The following PPARGC1A variants were observed in gnomAD, a reference collection of about 807,000 sequenced individuals.
PPARGC1A encodes peroxisome proliferator-activated receptor gamma coactivator 1-alpha.
PPARGC1A carries 25 observed loss-of-function variants against 88.7 expected under a neutral mutation model. That is an observed-to-expected ratio of 0.28 (90% CI 0.21 to 0.39). The LOEUF (loss-of-function observed/expected upper bound fraction) is 0.39. PPARGC1A is among the 10% of genes least tolerant of loss of function. The pLI, the probability that PPARGC1A is intolerant of heterozygous loss-of-function variation, is 1.00. For missense variants in PPARGC1A, 880 were observed against 968.7 expected, an observed-to-expected ratio of 0.91 and a Z score of 1.22; for synonymous variants, 363 against 355.6, an observed-to-expected ratio of 1.02 and a Z score of -0.24.
the PPARGC1A span, among the ~76,000 whole-genome samples, chr4:24,071,566 C>T: frequency 6.6e-6 from 1 of 151,862 alleles, no homozygotes; most frequent in Non-Finnish European, 1.5e-5. Context: ...TTATACTTTG[C>T]ACTGGTCTTT....
At chr4:24,297,178 T>C in the PPARGC1A span, among the ~76,000 whole-genome samples, 8 of 152,294 alleles carry the variant, frequency 5.3e-5, no homozygotes, top group African/African-American at 1.9e-4. Context: ...ATGAATATCA[T>C]TTAATAAACA....
the PPARGC1A span, among the ~76,000 whole-genome samples, chr4:23,912,295 T>G: frequency 6.6e-6 from 1 of 152,170 alleles, no homozygotes; most frequent in Non-Finnish European, 1.5e-5. Context: ...CACAGCTCTA[T>G]GGCCTAAGGA....
At chr4:23,848,463 AG>A (rs1190727760) in intron 2 of PPARGC1A, among the ~76,000 whole-genome samples, 1 of 152,128 alleles carries the variant, frequency 6.6e-6, no homozygotes. Context: ...CAAACTTTCC[AG>A]GTCTGTTTGT....
At chr4:24,303,288 T>A in the PPARGC1A span, among the ~76,000 whole-genome samples, 9 of 152,248 alleles carry the variant, frequency 5.9e-5, no homozygotes, top group Admixed American at 5.2e-4. Flanking sequence ...AATGGAGAGA[T>A]TATCAACATA....
the PPARGC1A span, among the ~76,000 whole-genome samples, chr4:24,078,051 T>G: frequency 1.3e-5 from 2 of 152,088 alleles, no homozygotes; most frequent in African/African-American, 4.8e-5. Flanking sequence ...CCTCTAGAAA[T>G]AAATATTTTA....
chr4:23,910,405 TTAACCC>T, the PPARGC1A span, among the ~76,000 whole-genome samples: 8 of 111,274 alleles, frequency 7.2e-5, no homozygotes, highest in Non-Finnish European at 1.4e-4. Context: ...TATATATATA[TTAACCC>T]TATATATATT....
At chr4:24,039,177 A>T in the PPARGC1A span, among the ~76,000 whole-genome samples, 1 of 152,154 alleles carries the variant, frequency 6.6e-6, no homozygotes, top group Non-Finnish European at 1.5e-5. Flanking sequence ...TCGCTTTCCA[A>T]TTGGAAGCAT....
At chr4:24,008,929 C>A in the PPARGC1A span, among the ~76,000 whole-genome samples, 2 of 151,920 alleles carry the variant, frequency 1.3e-5, no homozygotes, top group South Asian at 2.1e-4. Flanking sequence ...TATGTGGGTT[C>A]TTTTCCCGCG....
chr4:24,322,528 T>C, the PPARGC1A span, among the ~76,000 whole-genome samples: 318 of 152,376 alleles, frequency 2.1e-3, 1 homozygote, highest in Admixed American at 3.8e-3. Context: ...TGTATCTGTG[T>C]ATCCATGTGT....
At chr4:24,204,126 C>G in the PPARGC1A span, among the ~76,000 whole-genome samples, 1 of 150,064 alleles carries the variant, frequency 6.7e-6, no homozygotes, top group Admixed American at 6.6e-5. Context: ...AGCTGACCAA[C>G]AAGTACTTAA....
intron 2 of PPARGC1A, among the ~76,000 whole-genome samples, chr4:23,855,336 C>T (rs941111846): frequency 6.6e-6 from 1 of 152,190 alleles, no homozygotes; most frequent in Admixed American, 6.5e-5. Context: ...GCTTTTACCA[C>T]TCAAGACTTT....
At chr4:24,260,995 A>G in the PPARGC1A span, among the ~76,000 whole-genome samples, 1 of 152,104 alleles carries the variant, frequency 6.6e-6, no homozygotes, top group Admixed American at 6.5e-5. Context: ...GGGTTCATAC[A>G]TCCCACGTAA....
At chr4:24,432,532 T>C in the PPARGC1A span, among the ~76,000 whole-genome samples, 1 of 152,150 alleles carries the variant, frequency 6.6e-6, no homozygotes, top group East Asian at 1.9e-4. Flanking sequence ...TAGCGATGCA[T>C]AGAGCGCCAG....
the PPARGC1A span, among the ~76,000 whole-genome samples, chr4:24,432,104 A>G: frequency 6.6e-6 from 1 of 151,980 alleles, no homozygotes. Context: ...GATGAAAGCA[A>G]TCAGAGATCA....
chr4:24,379,630 GA>G, the PPARGC1A span, among the ~76,000 whole-genome samples: 282 of 151,870 alleles, frequency 1.9e-3, no homozygotes, highest in Non-Finnish European at 2.4e-3. Flanking sequence ...ATTAACTTTG[GA>G]AAAGGTCACA....
At chr4:24,156,239 A>C in the PPARGC1A span, among the ~76,000 whole-genome samples, 1 of 152,176 alleles carries the variant, frequency 6.6e-6, no homozygotes. Flanking sequence ...ACAGTGTTTA[A>C]GTTCTATTTA....
At chr4:24,049,249 CAT>C in the PPARGC1A span, among the ~76,000 whole-genome samples, 4 of 125,732 alleles carry the variant, frequency 3.2e-5, no homozygotes, top group Middle Eastern at 4.6e-3. Context: ...TATATATACA[CAT>C]ATATGTATAT....
At chr4:24,312,211 C>G in the PPARGC1A span, among the ~76,000 whole-genome samples, 8 of 152,186 alleles carry the variant, frequency 5.3e-5, no homozygotes, top group Non-Finnish European at 4.4e-5. Flanking sequence ...CTTTGAGCCT[C>G]TGGACCACCA....
chr4:24,305,447 G>T, the PPARGC1A span, among the ~76,000 whole-genome samples: 8 of 151,956 alleles, frequency 5.3e-5, no homozygotes, highest in African/African-American at 1.9e-4. Flanking sequence ...TAACATCTAC[G>T]TTGCAAAGTG....
Sources: allele counts gnomAD v4.1 joint callset (sites outside exome capture counted in the v4.1 genomes callset), GRCh38; gene constraint gnomAD v4.1.1; transcripts MANE v1.5; gene names NCBI Gene and HGNC (gene_info 2026-07-23, HGNC 2026-07-21).